TMTC3: variants seen among roughly 807,000 people sequenced by gnomAD.
The protein encoded by TMTC3 is transmembrane O-mannosyltransferase targeting cadherins 3.
A neutral mutation model predicts 92.2 loss-of-function variants in TMTC3; 52 were observed. The observed-to-expected ratio is 0.56, with a 90% CI of 0.45 to 0.71. The LOEUF (loss-of-function observed/expected upper bound fraction) is 0.71, where lower values mean the gene tolerates loss of function less well. TMTC3 is among the 30% of genes least tolerant of loss of function. The pLI, the probability that TMTC3 is intolerant of heterozygous loss-of-function variation, is 0.00. For missense variants in TMTC3, 896 were observed against 1,057.1 expected (o/e 0.85, Z 2.11); for synonymous variants, 339 against 363.3 (o/e 0.93, Z 0.76).
Position 88,160,747 on chromosome 12 carries a change from T to C in TMTC3, c.693T>C (p.Ser231=), listed in dbSNP as rs183127275. The change falls in exon 6 of 14, where the codon TCT becomes TCC. Residue 231 remains serine (S), a synonymous_variant. Coordinates refer to ENST00000266712, the MANE Select transcript of TMTC3 (RefSeq NM_181783.4). ...GTGGAAAGGGTAGCATTCCATTTTC[T>C]ATGCTGCAGACACTAGTAAAACTCA... ...FLRGKGSIPF[S]MLQTLVKLIV... The C allele has an allele frequency of 2.5e-5, 41 of 1,613,706 alleles. No homozygotes were observed. The East Asian group carries it at 8.3e-4, about 33-fold the overall frequency.
chr12:88,176,208 G>A lies in TMTC3; in HGVS notation c.1321G>A (p.Val441Ile). The A allele has an allele frequency of 2.5e-6, 4 of 1,595,642 alleles. No individual in the cohort carries two copies. The highest frequency in any genetic ancestry group is 3.4e-6 in the Non-Finnish European group (4 of 1,168,704). ...EYTLFMSALK[V>I]NKNNAKLWNN... is the part of the protein sequence containing the mutation. ...TTTTCTATCTGTGCTTGTATTTAAG[G>A]TAAATAAAAATAATGCCAAACTTTG... The change falls in exon 10 of 14, where the codon GTA becomes ATA. Residue 441 changes from valine to isoleucine, a missense_variant and splice_region_variant. Transcript: ENST00000266712.
intron 6 of TMTC3, 21 bp from the exon 7 acceptor site, chr12:88,166,309 T>C: frequency 1.3e-6 from 2 of 1,585,646 alleles, no homozygotes; most frequent in Non-Finnish European, 1.7e-6. Context: ...TTTGTAATCT[T>C]TTTTTTAATC....
In TMTC3 at chr12:88,165,908, G is replaced by A. The variant is rs1210197729; in HGVS notation, c.798-422G>A. Among the ~76,000 whole-genome samples the A allele has an allele frequency of 2.0e-5, 3 of 152,092 alleles. No homozygotes were observed. The South Asian group carries it at 6.2e-4, about 31-fold the overall frequency. ...TTTTAATTAGCATTTAGCTCTAAAA[G>A]AAATGTCTCATGTAGGAAAGCATTG... is the stretch of plus-strand genomic sequence containing the variant. On this transcript the variant is annotated intron_variant, in intron 6 of 13. Coordinates refer to ENST00000266712, the MANE Select transcript of TMTC3 (RefSeq NM_181783.4).
intron 1 of TMTC3, among the ~76,000 whole-genome samples, chr12:88,146,609 G>GTATA (rs1487688406): frequency 1.4e-5 from 2 of 145,270 alleles, no homozygotes; most frequent in Non-Finnish European, 1.5e-5. Context: ...GTGTGTGTGT[G>GTATA]TGTATATATA....
chr12:88,184,143 CCAA>C (rs1393117262), intron 10 of TMTC3, among the ~76,000 whole-genome samples: 3 of 152,232 alleles, frequency 2.0e-5, no homozygotes, highest in South Asian at 2.1e-4. Context: ...CTCAGCACCA[CCAA>C]CAAGAGAGTG....
intron 10 of TMTC3, among the ~76,000 whole-genome samples, chr12:88,176,664 A>G (rs934169691): frequency 6.6e-6 from 1 of 152,146 alleles, no homozygotes; most frequent in Admixed American, 6.5e-5. Context: ...AAACTCGGCT[A>G]CTTGGGAGGC....
intron 6 of TMTC3, among the ~76,000 whole-genome samples, chr12:88,162,338 A>G (rs2041090032): frequency 6.6e-6 from 1 of 152,112 alleles, no homozygotes; most frequent in Admixed American, 6.5e-5. Context: ...TGAAATCTGT[A>G]GATTTTAATT....
At chr12:88,194,446 A>G (rs2041484234) in intron 13 of TMTC3, among the ~76,000 whole-genome samples, 1 of 152,176 alleles carries the variant, frequency 6.6e-6, no homozygotes, top group Non-Finnish European at 1.5e-5. Context: ...CAGAGAAGTT[A>G]AGTAACATGT....
At chr12:88,145,466 A>C (rs1258059322) in intron 1 of TMTC3, among the ~76,000 whole-genome samples, 2 of 152,224 alleles carry the variant, frequency 1.3e-5, no homozygotes, top group Admixed American at 6.5e-5. Context: ...TTTGTGAACC[A>C]AAAAGTGTCT....
At position 88,153,450 on chromosome 12, in the gene TMTC3, A is replaced by T. The variant is rs1400283749; in HGVS notation, c.349A>T (p.Asn117Tyr). Residue 117 changes from asparagine (N) to tyrosine (Y), a missense_variant, in exon 3 of 14, where the codon AAC becomes TAC. Transcript: ENST00000266712. ...FLKVCKLFLDNKSSVIASLLF... is the reference protein window; with the variant it reads ...FLKVCKLFLDYKSSVIASLLF... ...CAAAGTATGCAAACTTTTTCTGGACAACAAGAGTAGTGTGATTGCTTCTTT... is the reference window on the plus strand; with the variant it reads ...CAAAGTATGCAAACTTTTTCTGGACTACAAGAGTAGTGTGATTGCTTCTTT... The T allele has an allele frequency of 6.2e-7, 1 of 1,613,680 alleles. No homozygotes were observed. The highest frequency in any genetic ancestry group is 1.3e-5 in the African/African-American group (1 of 75,054).
chr12:88,186,724 G>C (rs2041381919), intron 10 of TMTC3, among the ~76,000 whole-genome samples: 1 of 151,974 alleles, frequency 6.6e-6, no homozygotes, highest in African/African-American at 2.4e-5. Context: ...TTACCCTCTA[G>C]AATCTTAAAA....
At chr12:88,145,028 C>A (rs1176260387) in intron 1 of TMTC3, among the ~76,000 whole-genome samples, 1 of 152,106 alleles carries the variant, frequency 6.6e-6, no homozygotes, top group African/African-American at 2.4e-5. Flanking sequence ...TTTATCTGAC[C>A]AAAATCACTT....
chr12:88,150,355 C>T, intron 2 of TMTC3, among the ~76,000 whole-genome samples: 1 of 152,126 alleles, frequency 6.6e-6, no homozygotes, highest in East Asian at 1.9e-4. Context: ...GAAATCCACC[C>T]TAATAATCCA....
intron 1 of TMTC3, among the ~76,000 whole-genome samples, chr12:88,147,907 A>G (rs1218188057): frequency 1.3e-5 from 2 of 152,160 alleles, no homozygotes; most frequent in East Asian, 1.9e-4. Flanking sequence ...GGAGGGTCTC[A>G]ACCTAAAATA....
intron 1 of TMTC3, among the ~76,000 whole-genome samples, chr12:88,145,949 C>T (rs1412698176): frequency 6.6e-6 from 1 of 152,120 alleles, no homozygotes; most frequent in African/African-American, 2.4e-5. Flanking sequence ...TATATAGTAA[C>T]ACCCCATTTT....
rs567330818 is a variant in TMTC3, at chr12:88,190,379, G to A, written c.1537-74G>A. 35 of 1,351,414 alleles carry A rather than the reference G, an allele frequency of 2.6e-5. No homozygotes were observed. In the South Asian group the frequency reaches 4.6e-4, roughly 18 times the overall value. 83.7% of individuals were successfully genotyped at this position (1,351,414 alleles called of 1,614,324 possible). On this transcript the variant is annotated intron_variant, in intron 11 of 13. Coordinates refer to ENST00000266712, the MANE Select transcript of TMTC3 (RefSeq NM_181783.4). ...GTATGTTCTGAGTTATTTTGAATTAGCCAATAGGAATATGTACTTTTGATT... is the reference window on the plus strand; with the variant it reads ...GTATGTTCTGAGTTATTTTGAATTAACCAATAGGAATATGTACTTTTGATT...
At chr12:88,183,865 G>C (rs1179724593) in intron 10 of TMTC3, among the ~76,000 whole-genome samples, 3 of 152,110 alleles carry the variant, frequency 2.0e-5, no homozygotes, top group African/African-American at 7.2e-5. Flanking sequence ...TTTATATACT[G>C]TTTCTGTTGA....
At position 88,196,540 on chromosome 12, in the gene TMTC3, C is replaced by T. The variant is rs2041514902; in HGVS notation, c.*891C>T. 6.6e-6 allele frequency: 1 copy of T among 151,734 alleles called. No homozygotes were observed. The highest frequency in any genetic ancestry group is 1.5e-5 in the Non-Finnish European group (1 of 67,762). 9.4% of individuals were successfully genotyped at this position (151,734 alleles called of 1,614,324 possible). On this transcript the variant is annotated 3_prime_UTR_variant, in exon 14 of 14. Transcript: ENST00000266712. Reference sequence around the variant, plus strand: ...CTTTGTGTTAGCTCTGTAGTCTTAACCTGGATTTTAATTTTTTTGTTTCCA... The same window carrying T: ...CTTTGTGTTAGCTCTGTAGTCTTAATCTGGATTTTAATTTTTTTGTTTCCA...
intron 4 of TMTC3, among the ~76,000 whole-genome samples, chr12:88,159,423 C>T (rs1248008928): frequency 1.3e-5 from 2 of 152,026 alleles, no homozygotes; most frequent in Admixed American, 1.3e-4. Flanking sequence ...CCTGGAATCC[C>T]AGCATGGTGG....
Sources: allele counts gnomAD v4.1 joint callset (sites outside exome capture counted in the v4.1 genomes callset), GRCh38; gene constraint gnomAD v4.1.1; transcripts MANE v1.5; gene names NCBI Gene and HGNC (gene_info 2026-07-23, HGNC 2026-07-21).